NEGR1: variants seen among roughly 807,000 people sequenced by gnomAD.
NEGR1 encodes neuronal growth regulator 1.
NEGR1 carries 10 observed loss-of-function variants against 40.9 expected under a neutral mutation model. The observed-to-expected ratio is 0.24, with a 90% CI of 0.15 to 0.42. The LOEUF is 0.42. NEGR1 is among the 10% of genes least tolerant of loss of function. NEGR1 has a pLI of 1.00. For missense variants in NEGR1, 352 were observed against 438.9 expected, an observed-to-expected ratio of 0.80 and a Z score of 1.77; for synonymous variants, 185 against 166.8, an observed-to-expected ratio of 1.11 and a Z score of -0.84.
chr1:71,854,552 G>A (rs1391116532), intron 2 of NEGR1, among the ~76,000 whole-genome samples: 1 of 152,104 alleles, frequency 6.6e-6, no homozygotes, highest in African/African-American at 2.4e-5. Flanking sequence ...AGTCCACTCT[G>A]ATGCTGCTAT....
chr1:72,273,349 G>A (rs2100561298), intron 1 of NEGR1, among the ~76,000 whole-genome samples: 1 of 151,994 alleles, frequency 6.6e-6, no homozygotes, highest in South Asian at 2.1e-4. Flanking sequence ...TCCATAAGTC[G>A]AGGTAGAAAC....
At chr1:71,494,565 G>C (rs1238356783) in intron 6 of NEGR1, among the ~76,000 whole-genome samples, 1 of 152,098 alleles carries the variant, frequency 6.6e-6, no homozygotes, top group Non-Finnish European at 1.5e-5. Context: ...TGAGTTCTGT[G>C]AGTCCTTATA....
intron 6 of NEGR1, among the ~76,000 whole-genome samples, chr1:71,449,880 C>T (rs965006022): frequency 1.3e-5 from 2 of 151,628 alleles, no homozygotes; most frequent in African/African-American, 4.8e-5. Flanking sequence ...TATAATTTTT[C>T]TTGGTATTCT....
intron 1 of NEGR1, among the ~76,000 whole-genome samples, chr1:72,264,918 TTTTA>T (rs1237895753): frequency 4.0e-5 from 6 of 150,772 alleles, no homozygotes; most frequent in African/African-American, 9.7e-5. Flanking sequence ...CAATAAATTA[TTTTA>T]TTTATGTCAT....
Position 72,231,120 on chromosome 1 carries a change from G to A in NEGR1, c.176+51199C>T, listed in dbSNP as rs183534880. ...GCTAGAGAAGCAACATGAGAAAGTA[G>A]GCAGATGGAAGAAAGTGATAGATTG... On this transcript the variant is annotated intron_variant, in intron 1 of 6. Coordinates refer to ENST00000357731, the MANE Select transcript of NEGR1 (RefSeq NM_173808.3). Among the ~76,000 whole-genome samples the A allele has an allele frequency of 2.1e-4, 32 of 152,176 alleles. No homozygotes were observed. The East Asian group carries it at 5.8e-3, about 28-fold the overall frequency.
chr1:71,750,169 A>G (rs1380574628), intron 3 of NEGR1, among the ~76,000 whole-genome samples: 3 of 150,210 alleles, frequency 2.0e-5, no homozygotes, highest in South Asian at 4.2e-4. Context: ...AATTTTTTGT[A>G]TTTTTAGTAG....
intron 1 of NEGR1, among the ~76,000 whole-genome samples, chr1:72,029,973 T>A (rs1646843020): frequency 1.3e-5 from 2 of 152,142 alleles, no homozygotes. Flanking sequence ...TTGTTACTAA[T>A]TTCTTTCTTT....
At chr1:72,032,487 A>C (rs1569853027) in intron 1 of NEGR1, among the ~76,000 whole-genome samples, 1 of 152,114 alleles carries the variant, frequency 6.6e-6, no homozygotes, top group African/African-American at 2.4e-5. Context: ...AGCTTTTCTT[A>C]CTCTTCTCAG....
chr1:71,942,484 T>TA (rs34446850), intron 1 of NEGR1, among the ~76,000 whole-genome samples: 269 of 4,428 alleles, frequency 0.061, no homozygotes, highest in East Asian at 0.12. Flanking sequence ...TATATATATA[T>TA]TTTTTTTTTT....
intron 2 of NEGR1, among the ~76,000 whole-genome samples, chr1:71,898,811 A>G (rs1311413981): frequency 6.7e-6 from 1 of 149,020 alleles, no homozygotes; most frequent in African/African-American, 2.5e-5. Flanking sequence ...ATATGTATAC[A>G]TATATTTTAC....
intron 2 of NEGR1, among the ~76,000 whole-genome samples, chr1:71,871,780 CTT>C (rs1288260298): frequency 1.3e-5 from 2 of 152,092 alleles, no homozygotes; most frequent in South Asian, 2.1e-4. Context: ...TCAGAAGAAA[CTT>C]AACTCTCTGT....
At chr1:72,087,236 G>C (rs1648257656) in intron 1 of NEGR1, among the ~76,000 whole-genome samples, 1 of 152,026 alleles carries the variant, frequency 6.6e-6, no homozygotes, top group African/African-American at 2.4e-5. Flanking sequence ...GACCAACATG[G>C]TCAAACCCCG....
At chr1:71,692,057 G>A (rs1283492789) in intron 4 of NEGR1, among the ~76,000 whole-genome samples, 1 of 151,218 alleles carries the variant, frequency 6.6e-6, no homozygotes, top group East Asian at 2.0e-4. Flanking sequence ...TAAAACTATG[G>A]GTTTCTTTTA....
intron 6 of NEGR1, among the ~76,000 whole-genome samples, chr1:71,584,368 G>A (rs1649232316): frequency 6.6e-6 from 1 of 151,988 alleles, no homozygotes; most frequent in Non-Finnish European, 1.5e-5. Flanking sequence ...ACATCAGAAT[G>A]GCCAAAAAAA....
At chr1:71,464,525 A>C (rs1438074342) in intron 6 of NEGR1, among the ~76,000 whole-genome samples, 4 of 152,172 alleles carry the variant, frequency 2.6e-5, no homozygotes, top group African/African-American at 9.6e-5. Context: ...AAAAAGCTAA[A>C]GTAATAATTT....
intron 1 of NEGR1, among the ~76,000 whole-genome samples, chr1:72,059,087 T>A (rs1183284551): frequency 6.6e-6 from 1 of 151,704 alleles, no homozygotes; most frequent in African/African-American, 2.4e-5. Flanking sequence ...CATTGATTTC[T>A]TTTTGTTTCC....
At chr1:71,656,575 T>G (rs902728570) in intron 4 of NEGR1, among the ~76,000 whole-genome samples, 4 of 151,842 alleles carry the variant, frequency 2.6e-5, no homozygotes, top group East Asian at 1.9e-4. Context: ...ACCGTGCCCG[T>G]CTAATTTTTT....
At chr1:71,853,306 A>G (rs761961863) in intron 2 of NEGR1, among the ~76,000 whole-genome samples, 241 of 152,244 alleles carry the variant, frequency 1.6e-3, no homozygotes, top group Non-Finnish European at 2.9e-3. Flanking sequence ...CCATTTTCAA[A>G]TATACAGCAT....
chr1:71,931,954 T>C (rs961162645), intron 2 of NEGR1, among the ~76,000 whole-genome samples: 1 of 152,162 alleles, frequency 6.6e-6, no homozygotes, highest in Non-Finnish European at 1.5e-5. Flanking sequence ...TAATAGGTCA[T>C]TTGATTTATC....
Sources: gnomAD v4.1 joint callset for allele counts (sites outside exome capture counted in the v4.1 genomes callset) on GRCh38, gnomAD v4.1.1 for gene constraint, MANE v1.5 for transcripts, NCBI Gene and HGNC (gene_info 2026-07-23, HGNC 2026-07-21) for gene names.